CAPN6: variants seen among roughly 807,000 people sequenced by gnomAD.
CAPN6 encodes the protein calpain 6, also known as calpain-6.
Under a neutral mutation model 46.0 loss-of-function variants are expected in CAPN6, and 16 were observed. The observed-to-expected ratio is 0.35, with a 90% CI of 0.24 to 0.53. The LOEUF (loss-of-function observed/expected upper bound fraction) is 0.53, where lower values mean the gene tolerates loss of function less well. Ranked by LOEUF, CAPN6 falls within the 20% of genes least tolerant of loss-of-function variation. The pLI is 0.94. For missense variants in CAPN6, 461 were observed against 498.0 expected, an observed-to-expected ratio of 0.93 and a Z score of 0.71; for synonymous variants, 206 against 172.8, an observed-to-expected ratio of 1.19 and a Z score of -1.51.
intron 8 of CAPN6, among the ~76,000 whole-genome samples, chrX:111,249,528 G>A (rs1184767814): frequency 9.0e-6 from 1 of 110,963 alleles, no homozygotes; most frequent in African/African-American, 3.3e-5. Flanking sequence ...GGGCTCCTTG[G>A]AGAATTGATG....
intron 1 of CAPN6, among the ~76,000 whole-genome samples, chrX:111,266,233 CAAAAAAA>C (rs36058551): frequency 5.8e-5 from 2 of 34,318 alleles, no homozygotes; most frequent in Non-Finnish European, 1.0e-4. Flanking sequence ...GACTCCGTCT[CAAAAAAA>C]AAAAAAAAAA....
At chrX:111,264,021 G>T in intron 1 of CAPN6, 70 bp from the exon 2 acceptor site, 1 of 696,197 alleles carries the variant, frequency 1.4e-6, no homozygotes, top group South Asian at 3.7e-5. Context: ...CCTGAGATTA[G>T]ACAAACAGCC....
At chrX:111,261,455 A>C (rs1200213989) in intron 2 of CAPN6, among the ~76,000 whole-genome samples, 4 of 112,581 alleles carry the variant, frequency 3.6e-5, no homozygotes, top group Non-Finnish European at 3.7e-5. Flanking sequence ...CTTCAAACAC[A>C]GTATCTGGCC....
intron 2 of CAPN6, 121 bp from the exon 3 acceptor site, chrX:111,254,524 G>T (rs1377136746): frequency 6.3e-6 from 3 of 475,947 alleles, no homozygotes; most frequent in Non-Finnish European, 1.0e-5. Flanking sequence ...AAAATAAGTA[G>T]GATTTCCATA....
intron 2 of CAPN6, among the ~76,000 whole-genome samples, chrX:111,258,848 G>A (rs890004729): frequency 5.4e-5 from 6 of 112,067 alleles, no homozygotes; most frequent in Non-Finnish European, 1.1e-4. Context: ...TCTATGCAAC[G>A]GAATACTGTT....
intron 1 of CAPN6, among the ~76,000 whole-genome samples, chrX:111,267,593 C>T (rs974750839): frequency 2.7e-5 from 3 of 111,148 alleles, no homozygotes; most frequent in African/African-American, 9.8e-5. Flanking sequence ...TCTTAACCTG[C>T]GGGTTAGCCT....
At position 111,248,101 on chromosome X, in the gene CAPN6, T is replaced by C. The variant is rs1363974584; in HGVS notation, c.1485-109A>G. 7 of 759,887 alleles carry C rather than the reference T, an allele frequency of 9.2e-6. No homozygotes were observed. The East Asian group carries it at 1.9e-4, about 21-fold the overall frequency. The allele number at this position is 759,887 out of a possible 1,213,427, so 62.6% of individuals were successfully genotyped here. On this transcript the variant is annotated intron_variant, in intron 10 of 12. Coordinates refer to ENST00000324068, the MANE Select transcript of CAPN6 (RefSeq NM_014289.4). ...GAAAAGCATGAGACATTGTGTGACT[T>C]AGCCCATTCCTCCTCAGATATGTCT...
intron 2 of CAPN6, among the ~76,000 whole-genome samples, chrX:111,260,376 C>T (rs1219604209): frequency 3.5e-5 from 4 of 113,031 alleles, no homozygotes; most frequent in Non-Finnish European, 7.5e-5. Flanking sequence ...AGGCAAAAGC[C>T]TTCAACACGA....
At chrX:111,264,031 C>T (rs1262609165) in intron 1 of CAPN6, 80 bp from the exon 2 acceptor site, 8 of 627,179 alleles carry the variant, frequency 1.3e-5, no homozygotes, top group Non-Finnish European at 1.9e-5. Flanking sequence ...GACAAACAGC[C>T]GTCATCCCAG....
chrX:111,252,690 A>G (rs1274605939), intron 4 of CAPN6, among the ~76,000 whole-genome samples, 191 bp from the exon 5 acceptor site: 2 of 112,423 alleles, frequency 1.8e-5, no homozygotes, highest in African/African-American at 6.5e-5. Context: ...AGGACAGTCT[A>G]TGCAGAAACT....
chrX:111,265,060 CA>C (rs760266138), intron 1 of CAPN6, among the ~76,000 whole-genome samples: 2 of 110,838 alleles, frequency 1.8e-5, no homozygotes, highest in African/African-American at 6.6e-5. Flanking sequence ...AGGGTTGAAA[CA>C]AAAAAAACCT....
chrX:111,248,922 T>C lies in CAPN6; in HGVS notation c.1281+13A>G, dbSNP rs778090365. Reference sequence around the variant, plus strand: ...TTGCCTTCATTCTCTCTGCCCCAAATGCCCATTTTTACCTTGAAGAGCTCA... The same window carrying C: ...TTGCCTTCATTCTCTCTGCCCCAAACGCCCATTTTTACCTTGAAGAGCTCA... On this transcript the variant is annotated intron_variant, in intron 9 of 12. Transcript: ENST00000324068. 2 of 1,209,720 alleles carry C rather than the reference T, an allele frequency of 1.7e-6. No individual in the cohort carries two copies. The highest frequency in any genetic ancestry group is 3.5e-5 in the African/African-American group (2 of 57,073).
At chrX:111,265,100 A>T (rs2094990799) in intron 1 of CAPN6, among the ~76,000 whole-genome samples, 1 of 112,269 alleles carries the variant, frequency 8.9e-6, no homozygotes, top group Non-Finnish European at 1.9e-5. Context: ...CTGCTAAAAA[A>T]TAAGGAGAAT....
intron 2 of CAPN6, among the ~76,000 whole-genome samples, chrX:111,262,369 A>C (rs961686886): frequency 1.8e-5 from 2 of 112,313 alleles, no homozygotes; most frequent in Non-Finnish European, 1.9e-5. Context: ...GTATCTTGAC[A>C]CCACATGGTA....
rs1302996681 is a variant in CAPN6, at chrX:111,252,509, A to G, written c.507-10T>C. The G allele has an allele frequency of 8.5e-7, 1 of 1,180,500 alleles. No individual in the cohort carries two copies. The highest frequency in any genetic ancestry group is 2.3e-5 in the Admixed American group (1 of 43,157). On this transcript the variant is annotated splice_polypyrimidine_tract_variant and intron_variant, in intron 4 of 12. Transcript: ENST00000324068. ...ATAACAGCCTAGCAGCCTGAGGGCAAGTATGCAAGGTTATCTTTGTAAAAT... is the reference window on the plus strand; with the variant it reads ...ATAACAGCCTAGCAGCCTGAGGGCAGGTATGCAAGGTTATCTTTGTAAAAT...
rs17882941 is a variant in CAPN6, at chrX:111,245,453, A to G, written c.*1124T>C. On this transcript the variant is annotated 3_prime_UTR_variant, in exon 13 of 13. Transcript: ENST00000324068. Reference sequence around the variant, plus strand: ...GAAAATTCTGTAGAAGTACTGAAAAATGAGAGGGCAAACAAACACCCCCAG... The same window carrying G: ...GAAAATTCTGTAGAAGTACTGAAAAGTGAGAGGGCAAACAAACACCCCCAG... The G allele has an allele frequency of 8.1e-3, 908 of 111,507 alleles. 9 individuals are homozygous for G. The highest frequency in any genetic ancestry group is 0.012 in the Non-Finnish European group (646 of 53,012). 9.2% of individuals were successfully genotyped at this position (111,507 alleles called of 1,213,427 possible). A position where few individuals can be genotyped will look rare whatever the true frequency, so the allele number is the denominator to read the frequency against.
Position 111,263,916 on chromosome X carries a change from G to C in CAPN6, c.21C>G (p.Leu7=). 2.5e-6 allele frequency: 3 copies of C among 1,206,404 alleles called. No homozygotes were observed. Among genetic ancestry groups the C allele is most frequent in the Non-Finnish European group, 3.4e-6 (3 of 893,029 alleles). MGPPLK[L]FKNQKYQELK... is the part of the protein sequence containing the mutation. ...GTTCCTGGTATTTCTGGTTTTTGAA[G>C]AGCTTCAGAGGAGGACCCATAGTGT... The change falls in exon 2 of 13, where the codon CTC becomes CTG. Residue 7 remains leucine, a synonymous_variant. Transcript: ENST00000324068.
Position 111,251,016 on chromosome X carries a change from C to T in CAPN6, c.1059G>A (p.Leu353=). 8.3e-7 allele frequency: 1 copy of T among 1,211,613 alleles called. No individual in the cohort carries two copies. The highest frequency in any genetic ancestry group is 1.1e-6 in the Non-Finnish European group (1 of 895,430). ...VNNPIFGRKE[L]ESVLGCWTVD... ...CAGTCCAGCATCCCAACACCGATTC[C>T]AGCTCCTTTCGGCCAAAAATAGGGT... Residue 353 remains leucine (L), a synonymous_variant, in exon 8 of 13, where the codon CTG becomes CTA. Transcript: ENST00000324068.
chrX:111,254,321 A>G lies in CAPN6; in HGVS notation c.248T>C (p.Met83Thr), dbSNP rs1326603553. 1.7e-6 allele frequency: 2 copies of G among 1,207,213 alleles called. No homozygotes were observed. Among genetic ancestry groups the G allele is most frequent in the Non-Finnish European group, 2.2e-6 (2 of 893,122 alleles). ...AGCCAAACAGGAAAATGCAGAAACC[A>G]TTGGCTTGTGCCCCAGTCTCCCTTG... ...LTQGRLGHKP[M>T]VSAFSCLAVQ... Residue 83 changes from methionine to threonine, a missense_variant, in exon 3 of 13, where the codon ATG becomes ACG. Transcript: ENST00000324068.
Sources: gnomAD v4.1 joint callset for allele counts (sites outside exome capture counted in the v4.1 genomes callset) on GRCh38, gnomAD v4.1.1 for gene constraint, MANE v1.5 for transcripts, NCBI Gene and HGNC (gene_info 2026-07-23, HGNC 2026-07-21) for gene names.